TGFB1: variants seen among roughly 807,000 people sequenced by gnomAD.
TGFB1 encodes transforming growth factor beta 1, also known as transforming growth factor beta-1 proprotein.
In TGFB1, 19 loss-of-function variants were observed where a neutral mutation model predicts 43.8. That is an observed-to-expected ratio of 0.43 (90% confidence interval 0.30 to 0.64). The LOEUF (loss-of-function observed/expected upper bound fraction) is 0.64, where lower values mean the gene tolerates loss of function less well. Ranked by LOEUF, TGFB1 falls within the 30% of genes least tolerant of loss-of-function variation. The probability of loss-of-function intolerance (pLI) is 0.11; values close to 1 mark genes in which losing one functional copy is unlikely to be tolerated. For missense variants in TGFB1, 445 were observed against 529.8 expected (o/e 0.84, Z 1.57); for synonymous variants, 221 against 236.3 (o/e 0.94, Z 0.60).
chr19:41,340,047 A>G (rs1310144791), intron 5 of TGFB1, among the ~76,000 whole-genome samples: 1 of 152,126 alleles, frequency 6.6e-6, no homozygotes, highest in African/African-American at 2.4e-5. Flanking sequence ...TAGGAATCCA[A>G]CATTTCAGCT....
intron 5 of TGFB1, among the ~76,000 whole-genome samples, chr19:41,338,969 CGT>C (rs71179696): frequency 0.037 from 5,497 of 150,132 alleles, 139 homozygotes; most frequent in Non-Finnish European, 0.05. Flanking sequence ...ATGGGGGGTA[CGT>C]GTGTGTGTGT....
intron 5 of TGFB1, among the ~76,000 whole-genome samples, chr19:41,336,051 A>G (rs1214861735): frequency 6.9e-6 from 1 of 145,656 alleles, no homozygotes; most frequent in Non-Finnish European, 1.5e-5. Flanking sequence ...GCTGGAGTGC[A>G]GTGGTGCAAT....
chr19:41,341,117 G>C (rs545674854), intron 5 of TGFB1, among the ~76,000 whole-genome samples: 3 of 151,338 alleles, frequency 2.0e-5, no homozygotes, highest in East Asian at 3.9e-4. Context: ...GGATCACGAG[G>C]TCAGGAGATC....
intron 2 of TGFB1, 142 bp downstream of exon 2, chr19:41,348,153 A>T: frequency 2.2e-6 from 2 of 906,164 alleles, no homozygotes; most frequent in Non-Finnish European, 3.5e-6. Context: ...AAAGCGTTCT[A>T]GGATTGTATG....
At chr19:41,348,234 T>A (rs1205146529) in intron 2 of TGFB1, 61 bp downstream of exon 2, 1 of 1,599,308 alleles carries the variant, frequency 6.3e-7, no homozygotes, top group Non-Finnish European at 8.5e-7. Context: ...AGCCACCCCC[T>A]TGGTCACAGC....
At chr19:41,343,426 G>A (rs189475738) in intron 3 of TGFB1, among the ~76,000 whole-genome samples, 9 of 152,274 alleles carry the variant, frequency 5.9e-5, no homozygotes, top group African/African-American at 2.2e-4. Context: ...GAGCCACCAT[G>A]CCAGGCCCCC....
At chr19:41,348,585 T>G (rs1332637580) in intron 1 of TGFB1, 130 bp from the exon 2 acceptor site, 2 of 256,506 alleles carry the variant, frequency 7.8e-6, no homozygotes, top group African/African-American at 4.7e-5. Context: ...TTTTATTTAT[T>G]TATTTATTTA....
At chr19:41,338,357 G>A (rs919811867) in intron 5 of TGFB1, among the ~76,000 whole-genome samples, 1 of 151,732 alleles carries the variant, frequency 6.6e-6, no homozygotes, top group Non-Finnish European at 1.5e-5. Context: ...AGCCGGGCAT[G>A]GTGGCAGGTG....
Position 41,332,206 on chromosome 19 carries a change from G to A in TGFB1, c.936C>T (p.His312=), listed in dbSNP as rs767685429. Residue 312 remains histidine (H), a synonymous_variant, in exon 6 of 7, where the codon CAC becomes CAT. Transcript: ENST00000221930. The part of the protein sequence containing the change: ...FRKDLGWKWI[H]EPKGYHANFC... ...AGTTGGCATGGTAGCCCTTGGGCTCGTGGATCCACTTCCAGCCGAGGTCCT... is the reference window on the plus strand; with the variant it reads ...AGTTGGCATGGTAGCCCTTGGGCTCATGGATCCACTTCCAGCCGAGGTCCT... 67 of 1,614,046 alleles carry A rather than the reference G, an allele frequency of 4.2e-5. No individual in the cohort carries two copies. The highest frequency in any genetic ancestry group is 5.5e-5 in the Non-Finnish European group (65 of 1,180,030).
intron 1 of TGFB1, among the ~76,000 whole-genome samples, chr19:41,349,577 T>G (rs2038158544): frequency 6.6e-6 from 1 of 152,158 alleles, no homozygotes; most frequent in Non-Finnish European, 1.5e-5. Context: ...GCCAACATGG[T>G]GAAACCCCGT....
intron 1 of TGFB1, 85 bp downstream of exon 1, chr19:41,352,605 T>C: frequency 6.7e-7 from 1 of 1,501,360 alleles, no homozygotes; most frequent in South Asian, 1.2e-5. Context: ...CAGTTTCTTC[T>C]GCCAGTCACT....
At chr19:41,338,169 G>C (rs906897735) in intron 5 of TGFB1, among the ~76,000 whole-genome samples, 34 of 151,324 alleles carry the variant, frequency 2.2e-4, no homozygotes, top group Non-Finnish European at 5.9e-5. Context: ...TCCAGCCTGG[G>C]TGACACAGCT....
intron 3 of TGFB1, among the ~76,000 whole-genome samples, chr19:41,343,768 C>T (rs1187673943): frequency 2.0e-5 from 3 of 152,330 alleles, no homozygotes; most frequent in East Asian, 3.9e-4. Flanking sequence ...TCCCCCACAC[C>T]ACCCAGCACA....
At chr19:41,351,742 C>A (rs1251429507) in intron 1 of TGFB1, among the ~76,000 whole-genome samples, 1 of 152,046 alleles carries the variant, frequency 6.6e-6, no homozygotes, top group Admixed American at 6.5e-5. Context: ...AGTCACCCCC[C>A]ACCCAGCACT....
At chr19:41,347,923 G>A (rs973286945) in intron 2 of TGFB1, among the ~76,000 whole-genome samples, 1 of 151,352 alleles carries the variant, frequency 6.6e-6, no homozygotes, top group Non-Finnish European at 1.5e-5. Context: ...CACGAGGTCA[G>A]GAGATCGAGA....
intron 3 of TGFB1, 105 bp from the exon 4 acceptor site, chr19:41,342,352 C>G: frequency 9.7e-7 from 1 of 1,032,064 alleles, no homozygotes; most frequent in Non-Finnish European, 1.5e-6. Context: ...TCCTGCCTCC[C>G]CCACCCACCC....
chr19:41,347,619 G>A (rs1396674666), intron 2 of TGFB1, among the ~76,000 whole-genome samples: 1 of 151,962 alleles, frequency 6.6e-6, no homozygotes, highest in African/African-American at 2.4e-5. Context: ...CTTGAGGGCA[G>A]GAGTTTGAGA....
chr19:41,346,034 G>A (rs2038112987), intron 2 of TGFB1, among the ~76,000 whole-genome samples: 1 of 151,962 alleles, frequency 6.6e-6, no homozygotes, highest in Non-Finnish European at 1.5e-5. Context: ...CCTAGATGCT[G>A]CAGGTACCCA....
At chr19:41,335,914 C>T (rs2037983709) in intron 5 of TGFB1, among the ~76,000 whole-genome samples, 1 of 151,602 alleles carries the variant, frequency 6.6e-6, no homozygotes. Flanking sequence ...AGAGGCCTCA[C>T]ATCCATCTTG....
Sources: gnomAD v4.1 joint callset for allele counts (sites outside exome capture counted in the v4.1 genomes callset) on GRCh38, gnomAD v4.1.1 for gene constraint, MANE v1.5 for transcripts, NCBI Gene and HGNC (gene_info 2026-07-23, HGNC 2026-07-21) for gene names.